APBA1: variants seen among roughly 807,000 people sequenced by gnomAD.
APBA1 encodes the protein amyloid beta precursor protein binding family A member 1, also known as amyloid-beta A4 precursor protein-binding family A member 1.
Under a neutral mutation model 86.6 loss-of-function variants are expected in APBA1, and 55 were observed. The ratio of observed to expected loss-of-function variants is 0.64; its 90% CI spans 0.51 to 0.80. APBA1 has a LOEUF of 0.80. Ranked by LOEUF, APBA1 falls within the 30% of genes least tolerant of loss-of-function variation. The pLI is 0.00. For synonymous variants in APBA1, 511 were observed against 493.9 expected (o/e 1.03, Z -0.46); for missense variants, 1,090 against 1,183.0 (o/e 0.92, Z 1.15).
intron 10 of APBA1, among the ~76,000 whole-genome samples, chr9:69,446,450 C>T (rs1318144279): frequency 6.6e-6 from 1 of 152,180 alleles, no homozygotes; most frequent in Non-Finnish European, 1.5e-5. Context: ...TCTTTTATCA[C>T]CACTCGGCCT....
At chr9:69,656,406 C>CA (rs1398956042) in intron 1 of APBA1, among the ~76,000 whole-genome samples, 3 of 151,902 alleles carry the variant, frequency 2.0e-5, no homozygotes, top group Admixed American at 6.6e-5. Flanking sequence ...GATTAAACAG[C>CA]AAAAAAGGAA....
At position 69,553,570 on chromosome 9, in the gene APBA1, C is replaced by A. The variant is rs530348708; in HGVS notation, c.-69-36291G>T. Among the ~76,000 whole-genome samples, 4 of 152,280 alleles carry A rather than the reference C, an allele frequency of 2.6e-5. No individual in the cohort carries two copies. The South Asian group carries it at 8.3e-4, about 32-fold the overall frequency. On this transcript the variant is annotated intron_variant, in intron 1 of 12. Transcript: ENST00000265381. ...TAACTCAGAATTTTTCACTGTTGAG[C>A]AGTATAGCATGGTATGAATATACTT...
chr9:69,433,928 C>T (rs1834649692), intron 11 of APBA1, among the ~76,000 whole-genome samples: 1 of 151,590 alleles, frequency 6.6e-6, no homozygotes, highest in Non-Finnish European at 1.5e-5. Context: ...CCTCCTGCCT[C>T]ACCCTCCTGA....
At chr9:69,635,763 T>C (rs1161024924) in intron 1 of APBA1, among the ~76,000 whole-genome samples, 1 of 152,102 alleles carries the variant, frequency 6.6e-6, no homozygotes, top group Admixed American at 6.5e-5. Flanking sequence ...CACTATATAA[T>C]GATAAAGGGG....
At chr9:69,528,760 A>G (rs1387413722) in intron 1 of APBA1, among the ~76,000 whole-genome samples, 1 of 151,922 alleles carries the variant, frequency 6.6e-6, no homozygotes, top group Non-Finnish European at 1.5e-5. Context: ...ACACACACAT[A>G]CGTACACACA....
At chr9:69,501,695 G>T (rs1835882901) in intron 2 of APBA1, among the ~76,000 whole-genome samples, 1 of 150,710 alleles carries the variant, frequency 6.6e-6, no homozygotes, top group African/African-American at 2.4e-5. Flanking sequence ...GGGCATGATG[G>T]TATGCACCTG....
At chr9:69,660,165 C>T (rs1823722374) in intron 1 of APBA1, among the ~76,000 whole-genome samples, 1 of 152,224 alleles carries the variant, frequency 6.6e-6, no homozygotes, top group African/African-American at 2.4e-5. Context: ...TATAATAATT[C>T]CACTTCCAAG....
At chr9:69,648,062 G>C (rs112495158) in intron 1 of APBA1, among the ~76,000 whole-genome samples, 3,523 of 152,296 alleles carry the variant, frequency 0.023, 77 homozygotes, top group Non-Finnish European at 0.035. Flanking sequence ...AAGGTACCTC[G>C]ATATCTTTGC....
intron 1 of APBA1, among the ~76,000 whole-genome samples, chr9:69,581,538 T>G (rs1253977212): frequency 6.6e-6 from 1 of 152,152 alleles, no homozygotes; most frequent in Non-Finnish European, 1.5e-5. Flanking sequence ...TACTCTCATA[T>G]TTTGTCTTTT....
intron 1 of APBA1, among the ~76,000 whole-genome samples, chr9:69,659,064 G>C (rs935933748): frequency 3.3e-5 from 5 of 152,072 alleles, no homozygotes; most frequent in Non-Finnish European, 7.4e-5. Context: ...CTCCTTAATA[G>C]AGCAGCACAT....
At chr9:69,545,994 T>G (rs899744968) in intron 1 of APBA1, among the ~76,000 whole-genome samples, 1 of 152,182 alleles carries the variant, frequency 6.6e-6, no homozygotes, top group African/African-American at 2.4e-5. Flanking sequence ...CTTTTTTATT[T>G]TTCATAAGTT....
chr9:69,595,234 A>T (rs958146511), intron 1 of APBA1, among the ~76,000 whole-genome samples: 3 of 152,222 alleles, frequency 2.0e-5, no homozygotes, highest in Non-Finnish European at 2.9e-5. Context: ...AACACCAAGC[A>T]GTCAATAAGT....
Position 69,632,467 on chromosome 9 carries a change from G to GAGGACCTA in APBA1, c.-70+39678_-70+39685dup, listed in dbSNP as rs572844911. Among the ~76,000 whole-genome samples, 31 of 152,230 alleles carry GAGGACCTA rather than the reference G, an allele frequency of 2.0e-4. No homozygotes were observed. The East Asian group carries it at 5.8e-3, about 28-fold the overall frequency. Reference sequence around the variant, plus strand: ...CTTCTGAGCTTCGAGACTGTGTATGGAGGACCTAAGCTTCCTGTGCTGCAG... The same window carrying GAGGACCTA: ...CTTCTGAGCTTCGAGACTGTGTATGGAGGACCTAAGGACCTAAGCTTCCTGTGCTGCAG... On this transcript the variant is annotated intron_variant, in intron 1 of 12. Coordinates refer to ENST00000265381, the MANE Select transcript of APBA1 (RefSeq NM_001163.4).
Position 69,648,931 on chromosome 9 carries a change from C to T in APBA1, c.-70+23222G>A, listed in dbSNP as rs1456302537. Among the ~76,000 whole-genome samples, 5 of 152,180 alleles carry T rather than the reference C, an allele frequency of 3.3e-5. No individual in the cohort carries two copies. The East Asian group carries it at 9.6e-4, about 29-fold the overall frequency. On this transcript the variant is annotated intron_variant, in intron 1 of 12. Transcript: ENST00000265381. ...TTCCCTTTCACGCTCCCAAACGAGT[C>T]ATTGTTCATCTTCCACTCCTTATTT...
chr9:69,461,731 T>G (rs1305630576), intron 5 of APBA1: 6 of 152,190 alleles, frequency 3.9e-5, no homozygotes, highest in Non-Finnish European at 7.4e-5. Context: ...TCTGGCAATC[T>G]CACTCCATTG....
In APBA1 at chr9:69,458,164, T is replaced by G. The variant is rs755857636; in HGVS notation, c.1507A>C (p.Arg503=). 5 of 1,612,094 alleles carry G rather than the reference T, an allele frequency of 3.1e-6. No homozygotes were observed. In the East Asian group the frequency reaches 1.1e-4, roughly 36 times the overall value. The change falls in exon 6 of 13, where the codon AGG becomes CGG. Residue 503 remains arginine, a synonymous_variant. Transcript: ENST00000265381. Reference sequence around the variant, plus strand: ...AGTTGTTTGTACTGCACCTTCTTCCTGCTTTTGGCTAATTTCTGGGCCATC... The same window carrying G: ...AGTTGTTTGTACTGCACCTTCTTCCGGCTTTTGGCTAATTTCTGGGCCATC... The part of the protein sequence containing the change: ...IKMAQKLAKS[R]KKAPEGESQP...
At chr9:69,638,310 A>T (rs1823220504) in intron 1 of APBA1, among the ~76,000 whole-genome samples, 1 of 152,198 alleles carries the variant, frequency 6.6e-6, no homozygotes, top group African/African-American at 2.4e-5. Flanking sequence ...GCAAAACCTC[A>T]GCTCACCGCA....
At chr9:69,587,461 G>A (rs1382451347) in intron 1 of APBA1, among the ~76,000 whole-genome samples, 6 of 152,134 alleles carry the variant, frequency 3.9e-5, no homozygotes, top group Admixed American at 2.6e-4. Flanking sequence ...CCACACACTT[G>A]GACTTTCAGT....
chr9:69,539,517 C>T (rs374799111), intron 1 of APBA1, among the ~76,000 whole-genome samples: 34 of 152,186 alleles, frequency 2.2e-4, no homozygotes, highest in Non-Finnish European at 2.6e-4. Flanking sequence ...ATTGCAACCA[C>T]CAGCATCTTT....
Sources: gnomAD v4.1 joint callset for allele counts (sites outside exome capture counted in the v4.1 genomes callset) on GRCh38, gnomAD v4.1.1 for gene constraint, MANE v1.5 for transcripts, NCBI Gene and HGNC (gene_info 2026-07-23, HGNC 2026-07-21) for gene names.